ZNF438: variants seen among roughly 807,000 people sequenced by gnomAD.
The protein encoded by ZNF438 is zinc finger protein 438.
Under a neutral mutation model 38.0 loss-of-function variants are expected in ZNF438, and 25 were observed. The ratio of observed to expected loss-of-function variants is 0.66; its 90% CI spans 0.48 to 0.92. The LOEUF is 0.92. Among genes scored for constraint, ZNF438 ranks in the 40% least tolerant of loss-of-function variants. The probability of loss-of-function intolerance (pLI) is 0.00; values close to 1 mark genes in which losing one functional copy is unlikely to be tolerated. For synonymous variants in ZNF438, 372 were observed against 364.1 expected (o/e 1.02, Z -0.25); for missense variants, 1,007 against 999.6 (o/e 1.01, Z -0.10).
At chr10:30,852,005 A>T (rs1307445086) in intron 4 of ZNF438, among the ~76,000 whole-genome samples, 2 of 128,618 alleles carry the variant, frequency 1.6e-5, no homozygotes, top group African/African-American at 2.6e-5. Flanking sequence ...TAAAAATACA[A>T]AAAAAAAATT....
At chr10:31,012,905 T>C (rs1224444034) in intron 1 of ZNF438, among the ~76,000 whole-genome samples, 1 of 152,186 alleles carries the variant, frequency 6.6e-6, no homozygotes, top group Non-Finnish European at 1.5e-5. Flanking sequence ...TAATAACCTC[T>C]CACTCCCTGG....
intron 1 of ZNF438, among the ~76,000 whole-genome samples, chr10:30,978,860 A>G (rs1023032892): frequency 1.3e-5 from 2 of 152,212 alleles, no homozygotes; most frequent in African/African-American, 4.8e-5. Context: ...ATTAGCCCCT[A>G]GCAAGAGAGT....
chr10:30,871,003 GA>G (rs1348688824), intron 4 of ZNF438, among the ~76,000 whole-genome samples: 1 of 152,180 alleles, frequency 6.6e-6, no homozygotes. Context: ...AGATGGAGAG[GA>G]AAGGGGAGAT....
intron 1 of ZNF438, among the ~76,000 whole-genome samples, chr10:31,019,469 T>G (rs1203787297): frequency 6.6e-6 from 1 of 152,184 alleles, no homozygotes; most frequent in Non-Finnish European, 1.5e-5. Context: ...TTTGATGGCG[T>G]CAACTTTGAT....
chr10:30,962,647 A>T lies in ZNF438; in HGVS notation c.-191-20996T>A, dbSNP rs2049621274. ...AACCTTTAATCACGGATCACTTAGT[A>T]ATATCTTGAAAGAATCTAGGTCTTT... On this transcript the variant is annotated intron_variant, in intron 1 of 5. Transcript: ENST00000413025. 1.4e-5 allele frequency among the ~76,000 whole-genome samples: 2 copies of T among 147,364 alleles called. 1 individual carries two copies. Among genetic ancestry groups the T allele is most frequent in the Non-Finnish European group, 3.1e-5 (2 of 65,002 alleles).
intron 1 of ZNF438, among the ~76,000 whole-genome samples, chr10:31,012,249 A>T (rs1044477298): frequency 3.3e-5 from 5 of 150,484 alleles, no homozygotes; most frequent in African/African-American, 1.2e-4. Context: ...TCAGCCTCCC[A>T]AGTAGCTGGG....
At chr10:30,951,848 C>T (rs1479466831) in intron 1 of ZNF438, among the ~76,000 whole-genome samples, 1 of 151,376 alleles carries the variant, frequency 6.6e-6, no homozygotes, top group Non-Finnish European at 1.5e-5. Flanking sequence ...AGATTCAATG[C>T]CATCCCCATC....
At chr10:30,982,170 C>T (rs1302077315) in intron 1 of ZNF438, among the ~76,000 whole-genome samples, 2 of 150,390 alleles carry the variant, frequency 1.3e-5, no homozygotes, top group African/African-American at 2.5e-5. Context: ...GGCGCGATCT[C>T]GGCTCACTGC....
At chr10:30,968,004 G>A (rs1371705701) in intron 1 of ZNF438, among the ~76,000 whole-genome samples, 1 of 151,824 alleles carries the variant, frequency 6.6e-6, no homozygotes, top group Admixed American at 6.6e-5. Flanking sequence ...AGAAAAAGGG[G>A]AAAAAAAGAC....
intron 1 of ZNF438, among the ~76,000 whole-genome samples, chr10:31,001,692 T>C (rs1820651929): frequency 6.6e-6 from 1 of 152,080 alleles, no homozygotes. Flanking sequence ...AATTTTGCCA[T>C]AAGTTACACT....
At chr10:31,015,695 A>C (rs142416208) in intron 1 of ZNF438, among the ~76,000 whole-genome samples, 127 of 152,310 alleles carry the variant, frequency 8.3e-4, no homozygotes, top group Non-Finnish European at 1.6e-3. Context: ...CTTGAAAGCA[A>C]TCTAAATGCC....
At chr10:30,932,586 T>C (rs933816082) in intron 2 of ZNF438, among the ~76,000 whole-genome samples, 1 of 152,190 alleles carries the variant, frequency 6.6e-6, no homozygotes, top group Non-Finnish European at 1.5e-5. Flanking sequence ...GCAAATAAGT[T>C]GTGAAGTTGA....
intron 3 of ZNF438, among the ~76,000 whole-genome samples, chr10:30,899,854 T>C (rs964936553): frequency 5.3e-5 from 8 of 152,220 alleles, no homozygotes; most frequent in African/African-American, 1.4e-4. Flanking sequence ...AATTATCCTT[T>C]TGAAAACAAA....
chr10:31,005,225 GTGTC>G (rs1013955380), intron 1 of ZNF438, among the ~76,000 whole-genome samples: 14 of 152,120 alleles, frequency 9.2e-5, no homozygotes, highest in Non-Finnish European at 1.5e-4. Flanking sequence ...AACAACCAAA[GTGTC>G]TGTCAACAGA....
Position 30,845,485 on chromosome 10 carries a change from T to TAA in ZNF438, c.1961_1962dup (p.Thr655LeufsTer9). On this transcript the variant is annotated frameshift_variant, in exon 6 of 6. Transcript: ENST00000413025. LOFTEE classifies it low-confidence loss of function (END_TRUNC). ...TTTATTTCCGCAAAAGACTGAGCAG[T>TAA]AATCTGACAACGACCACATTTGATT... The TAA allele has an allele frequency of 6.2e-7, 1 of 1,614,172 alleles. No individual in the cohort carries two copies. Among genetic ancestry groups the TAA allele is most frequent in the Non-Finnish European group, 8.5e-7 (1 of 1,180,042 alleles).
intron 3 of ZNF438, among the ~76,000 whole-genome samples, chr10:30,896,109 C>T (rs551235532): frequency 6.6e-6 from 1 of 152,202 alleles, no homozygotes; most frequent in East Asian, 1.9e-4. Flanking sequence ...TCCTGGCTAA[C>T]ACGGTGAAAC....
At chr10:30,893,292 T>C (rs917858767) in intron 3 of ZNF438, among the ~76,000 whole-genome samples, 1 of 152,176 alleles carries the variant, frequency 6.6e-6, no homozygotes, top group Non-Finnish European at 1.5e-5. Context: ...GAAAACCAAG[T>C]TTCCCATCTC....
At chr10:30,985,626 T>C (rs572964634) in intron 1 of ZNF438, among the ~76,000 whole-genome samples, 78 of 152,372 alleles carry the variant, frequency 5.1e-4, no homozygotes, top group African/African-American at 1.9e-3. Context: ...TTGACATTGC[T>C]TTAATTGCTA....
chr10:30,944,624 T>C (rs920464714), intron 1 of ZNF438, among the ~76,000 whole-genome samples: 1 of 152,228 alleles, frequency 6.6e-6, no homozygotes, highest in Admixed American at 6.5e-5. Flanking sequence ...GGGAGATTTC[T>C]AATTAAGGAG....
Sources: allele counts gnomAD v4.1 joint callset (sites outside exome capture counted in the v4.1 genomes callset), GRCh38; gene constraint gnomAD v4.1.1; transcripts MANE v1.5; gene names NCBI Gene and HGNC (gene_info 2026-07-23, HGNC 2026-07-21).